The following GABRB1 variants were observed in gnomAD, a reference collection of about 807,000 sequenced individuals.
GABRB1 encodes the protein gamma-aminobutyric acid receptor subunit beta-1.
GABRB1 carries 17 observed loss-of-function variants against 51.6 expected under a neutral mutation model. The ratio of observed to expected loss-of-function variants is 0.33; its 90% CI spans 0.23 to 0.49. GABRB1 has a LOEUF of 0.49. Ranked by LOEUF, GABRB1 falls within the 20% of genes least tolerant of loss-of-function variation. The probability of loss-of-function intolerance (pLI) is 0.99; values close to 1 mark genes in which losing one functional copy is unlikely to be tolerated. For missense variants in GABRB1, 410 were observed against 600.6 expected (o/e 0.68, Z 3.32); for synonymous variants, 247 against 218.9 (o/e 1.13, Z -1.14).
chr4:47,048,492 A>G lies in GABRB1; in HGVS notation c.240+16008A>G, dbSNP rs546219556. On this transcript the variant is annotated intron_variant, in intron 3 of 8. Coordinates refer to ENST00000295454, the MANE Select transcript of GABRB1 (RefSeq NM_000812.4). The stretch of plus-strand genomic sequence containing the variant: ...ATAAGAGCCTTACACATAGAGCAGG[A>G]TGAATAAAATTGTGTTCAATTTAAG... Among the ~76,000 whole-genome samples, 11 of 152,286 alleles carry G rather than the reference A, an allele frequency of 7.2e-5. No homozygotes were observed. The South Asian group carries it at 2.3e-3, about 32-fold the overall frequency.
At chr4:47,405,654 C>T (rs1316601757) in intron 7 of GABRB1, among the ~76,000 whole-genome samples, 1 of 152,126 alleles carries the variant, frequency 6.6e-6, no homozygotes, top group Non-Finnish European at 1.5e-5. Flanking sequence ...TATACACTCC[C>T]TATCATTTTC....
chr4:47,414,178 A>C (rs1027168265), intron 8 of GABRB1, among the ~76,000 whole-genome samples: 2 of 152,210 alleles, frequency 1.3e-5, no homozygotes. Context: ...GTGAACTCTG[A>C]GAATCTGAGA....
intron 1 of GABRB1, among the ~76,000 whole-genome samples, chr4:47,015,107 C>T (rs1268161848): frequency 6.6e-6 from 1 of 152,082 alleles, no homozygotes; most frequent in African/African-American, 2.4e-5. Context: ...AGGGTTTCAC[C>T]ATGTTGGCCA....
intron 4 of GABRB1, among the ~76,000 whole-genome samples, chr4:47,276,637 T>A (rs908238531): frequency 1.3e-5 from 2 of 152,198 alleles, no homozygotes; most frequent in Non-Finnish European, 2.9e-5. Context: ...AAATTCAGAA[T>A]GGAAATATTT....
At chr4:47,262,209 A>G (rs1722469051) in intron 4 of GABRB1, among the ~76,000 whole-genome samples, 1 of 151,956 alleles carries the variant, frequency 6.6e-6, no homozygotes, top group African/African-American at 2.4e-5. Flanking sequence ...TCATTAAACT[A>G]AAGAGCTTCC....
chr4:47,350,296 G>A (rs1313564045), intron 5 of GABRB1, among the ~76,000 whole-genome samples: 1 of 147,992 alleles, frequency 6.8e-6, no homozygotes, highest in Non-Finnish European at 1.5e-5. Context: ...TAGAGAGAGA[G>A]AGAGAGCTGG....
intron 3 of GABRB1, among the ~76,000 whole-genome samples, chr4:47,065,896 T>C (rs1354457416): frequency 6.6e-6 from 1 of 152,252 alleles, no homozygotes; most frequent in Non-Finnish European, 1.5e-5. Context: ...TTTATTTATA[T>C]TTATTAGCAT....
intron 1 of GABRB1, among the ~76,000 whole-genome samples, chr4:47,015,828 A>C (rs950521661): frequency 6.6e-5 from 10 of 152,226 alleles, no homozygotes; most frequent in African/African-American, 2.4e-4. Context: ...TAATTTATTC[A>C]AACATATTTT....
chr4:47,027,529 T>A (rs923283256), upstream of GABRB1, among the ~76,000 whole-genome samples: 23 of 151,574 alleles, frequency 1.5e-4, no homozygotes, highest in African/African-American at 5.6e-4. Flanking sequence ...TGGCTATTAA[T>A]ATAACCTGAA....
At chr4:47,026,715 C>T (rs953965555), upstream of GABRB1, among the ~76,000 whole-genome samples, 5 of 151,924 alleles carry the variant, frequency 3.3e-5, no homozygotes, top group Admixed American at 6.6e-5. Flanking sequence ...AAATTCTTTA[C>T]GTAATTTGGG....
At chr4:47,157,481 T>A (rs2109730568) in intron 3 of GABRB1, among the ~76,000 whole-genome samples, 1 of 152,180 alleles carries the variant, frequency 6.6e-6, no homozygotes, top group Admixed American at 6.5e-5. Context: ...AACCTTTATA[T>A]TAAGGGACGG....
intron 3 of GABRB1, among the ~76,000 whole-genome samples, chr4:47,099,805 C>T (rs1057108332): frequency 5.4e-5 from 8 of 147,338 alleles, no homozygotes; most frequent in African/African-American, 2.0e-4. Context: ...GTTGTCAATG[C>T]TCTGCTTTAA....
intron 3 of GABRB1, 120 bp downstream of exon 3, chr4:47,032,604 C>A: frequency 1.1e-6 from 1 of 930,790 alleles, no homozygotes; most frequent in Non-Finnish European, 1.8e-6. Context: ...GGTCCCACTC[C>A]GCACCCGCTC....
chr4:47,072,025 C>T (rs1246732719), intron 3 of GABRB1, among the ~76,000 whole-genome samples: 1 of 141,610 alleles, frequency 7.1e-6, no homozygotes. Flanking sequence ...ATTGTAATCT[C>T]TTAGTCATCA....
intron 3 of GABRB1, among the ~76,000 whole-genome samples, chr4:47,154,107 T>A (rs1257406194): frequency 2.6e-5 from 4 of 152,054 alleles, no homozygotes; most frequent in African/African-American, 9.7e-5. Flanking sequence ...AGAATGTACT[T>A]AATGGTGACA....
At chr4:47,313,086 T>C (rs1022489246) in intron 4 of GABRB1, among the ~76,000 whole-genome samples, 8 of 152,184 alleles carry the variant, frequency 5.3e-5, no homozygotes, top group Non-Finnish European at 1.2e-4. Flanking sequence ...CCATAGTTTC[T>C]AACTAATAGC....
At chr4:47,102,449 T>C (rs1028001188) in intron 3 of GABRB1, among the ~76,000 whole-genome samples, 1 of 151,876 alleles carries the variant, frequency 6.6e-6, no homozygotes, top group African/African-American at 2.4e-5. Context: ...GAATGCAATG[T>C]GAGTATATAT....
At chr4:47,247,723 C>G (rs137977668) in intron 4 of GABRB1, among the ~76,000 whole-genome samples, 1 of 151,622 alleles carries the variant, frequency 6.6e-6, no homozygotes, top group Non-Finnish European at 1.5e-5. Flanking sequence ...TCCTTGTAGA[C>G]GACTTTTGAC....
At chr4:47,349,847 T>C (rs1173990199) in intron 5 of GABRB1, among the ~76,000 whole-genome samples, 1 of 152,208 alleles carries the variant, frequency 6.6e-6, no homozygotes, top group African/African-American at 2.4e-5. Flanking sequence ...TATTAATTCT[T>C]AGACCCTAGG....
Sources: gnomAD v4.1 joint callset for allele counts (sites outside exome capture counted in the v4.1 genomes callset) on GRCh38, gnomAD v4.1.1 for gene constraint, MANE v1.5 for transcripts, NCBI Gene and HGNC (gene_info 2026-07-23, HGNC 2026-07-21) for gene names.